KCNMB3: variants seen among roughly 807,000 people sequenced by gnomAD.
The protein encoded by KCNMB3 is potassium calcium-activated channel subfamily M regulatory beta subunit 3.
Under a neutral mutation model 11.9 loss-of-function variants are expected in KCNMB3, and 18 were observed. The ratio of observed to expected loss-of-function variants is 1.51; its 90% CI spans 1.04 to 2.23. The LOEUF is 2.23. Among genes scored for constraint, KCNMB3 ranks in the 30% most tolerant of loss-of-function variants. KCNMB3 has a pLI of 0.00. For synonymous variants in KCNMB3, 78 were observed against 119.2 expected (o/e 0.65, Z 2.25); for missense variants, 247 against 329.4 (o/e 0.75, Z 1.94).
At chr3:179,255,753 A>G (rs1725991846), upstream of KCNMB3, among the ~76,000 whole-genome samples, 1 of 152,240 alleles carries the variant, frequency 6.6e-6, no homozygotes. Context: ...CCCACACTTA[A>G]ACACATCACA....
At chr3:179,249,007 C>A (rs1329511746) in intron 1 of KCNMB3, among the ~76,000 whole-genome samples, 1 of 89,864 alleles carries the variant, frequency 1.1e-5, no homozygotes, top group Non-Finnish European at 2.1e-5. Flanking sequence ...GACCCCGTCT[C>A]TTTTTTTTTT....
At chr3:179,263,501 C>T (rs937268108) in intron 1 of KCNMB3, among the ~76,000 whole-genome samples, 16 of 151,316 alleles carry the variant, frequency 1.1e-4, no homozygotes, top group Non-Finnish European at 1.6e-4. Context: ...GCGCGGAGAG[C>T]GAGCGAGGGC....
chr3:179,262,479 C>T (rs554014506), intron 1 of KCNMB3, among the ~76,000 whole-genome samples: 50 of 152,288 alleles, frequency 3.3e-4, no homozygotes, highest in African/African-American at 1.2e-3. Flanking sequence ...ATAAAGGCAG[C>T]GTGGACCCAA....
At chr3:179,258,110 T>A (rs1304630553) in intron 1 of KCNMB3, among the ~76,000 whole-genome samples, 1 of 152,176 alleles carries the variant, frequency 6.6e-6, no homozygotes, top group Non-Finnish European at 1.5e-5. Flanking sequence ...GGCCTTGAAC[T>A]TCTGACCTCA....
intron 1 of KCNMB3, among the ~76,000 whole-genome samples, chr3:179,249,918 C>T (rs6798351): frequency 0.16 from 24,815 of 152,068 alleles, 2,238 homozygotes; most frequent in African/African-American, 0.24. Context: ...GGAAGAATAG[C>T]TAATGCATGC....
At chr3:179,253,957 A>C (rs1427004038), upstream of KCNMB3, among the ~76,000 whole-genome samples, 1 of 152,208 alleles carries the variant, frequency 6.6e-6, no homozygotes, top group African/African-American at 2.4e-5. Flanking sequence ...TTCTGGCCAA[A>C]GCTTAAAAAG....
chr3:179,246,167 T>C (rs951391070), intron 1 of KCNMB3, among the ~76,000 whole-genome samples: 2 of 152,192 alleles, frequency 1.3e-5, no homozygotes, highest in Admixed American at 1.3e-4. Context: ...ATCCCAGCAC[T>C]TTGGGAGGCC....
At chr3:179,259,448 T>A (rs1271230554) in intron 1 of KCNMB3, 1 of 1,612,696 alleles carries the variant, frequency 6.2e-7, no homozygotes, top group Non-Finnish European at 8.5e-7. Context: ...CCTCCTCAGC[T>A]GCTGTTTTTA....
chr3:179,244,863 C>G (rs1725584508), intron 1 of KCNMB3, among the ~76,000 whole-genome samples, 170 bp from the exon 2 acceptor site: 1 of 152,092 alleles, frequency 6.6e-6, no homozygotes, highest in South Asian at 2.1e-4. Context: ...AAACAGGGAG[C>G]ATGGAAGACA....
intron 1 of KCNMB3, among the ~76,000 whole-genome samples, chr3:179,264,111 T>G (rs1179026882): frequency 2.0e-5 from 3 of 152,180 alleles, no homozygotes. Flanking sequence ...TGGCCTATAT[T>G]GTTTTAAACA....
rs1725576062 is a variant in KCNMB3 at position 179,244,671 on chromosome 3, A to T, written c.271T>A (p.Cys91Ser). ...ATGATATCTGTGTGGATGGCAGTGCAGGTCGATTCTTCTCTCTGAATGCTT... is the reference window on the plus strand; with the variant it reads ...ATGATATCTGTGTGGATGGCAGTGCTGGTCGATTCTTCTCTCTGAATGCTT... ...MLSIQREEST[C>S]TAIHTDIMDD... is the part of the protein sequence containing the mutation. The change falls in exon 2 of 3, where the codon TGC becomes AGC. Residue 91 changes from cysteine to serine, a missense_variant. Physicochemically the swap from Cys to Ser is moderately radical, Grantham distance 112. Coordinates refer to ENST00000392685, the MANE Select transcript of KCNMB3 (RefSeq NM_171830.2). The T allele has an allele frequency of 1.2e-6, 2 of 1,613,612 alleles. No individual in the cohort carries two copies.
intron 1 of KCNMB3, among the ~76,000 whole-genome samples, chr3:179,263,137 G>C (rs1479048403): frequency 3.3e-5 from 5 of 152,244 alleles, no homozygotes; most frequent in Admixed American, 2.6e-4. Context: ...GGCGGCACAG[G>C]AGCCCACGGA....
chr3:179,247,179 A>T (rs1051038129), intron 1 of KCNMB3, among the ~76,000 whole-genome samples: 4 of 152,190 alleles, frequency 2.6e-5, no homozygotes, highest in African/African-American at 4.8e-5. Context: ...GTAAAACTTA[A>T]TTATGAGCAA....
At chr3:179,259,696 G>A (rs572750502) in intron 1 of KCNMB3, 2 of 1,595,674 alleles carry the variant, frequency 1.3e-6, no homozygotes, top group Admixed American at 1.8e-5. Flanking sequence ...GTTTCTATGG[G>A]TACTGGGGAT....
upstream of KCNMB3, among the ~76,000 whole-genome samples, chr3:179,254,264 G>A (rs1409051426): frequency 6.6e-6 from 1 of 152,152 alleles, no homozygotes; most frequent in African/African-American, 2.4e-5. Flanking sequence ...ATAGGAAATG[G>A]CAAGGAAAAT....
At chr3:179,242,593 A>G, downstream of KCNMB3, 1 of 219,520 alleles carries the variant, frequency 4.6e-6, no homozygotes, top group East Asian at 1.2e-4. Flanking sequence ...GTTTATTTCC[A>G]TATTGACTGG....
intron 2 of KCNMB3, among the ~76,000 whole-genome samples, chr3:179,243,572 A>C (rs1725535296): frequency 6.6e-6 from 1 of 152,242 alleles, no homozygotes; most frequent in Non-Finnish European, 1.5e-5. Context: ...CCCTACATGC[A>C]GGTTCTTGGA....
intron 1 of KCNMB3, among the ~76,000 whole-genome samples, chr3:179,261,479 G>GCGCC (rs1726210184): frequency 6.6e-6 from 1 of 151,728 alleles, no homozygotes; most frequent in African/African-American, 2.4e-5. Flanking sequence ...GCCGGCAGGG[G>GCGCC]CGGGGCGTAG....
intron 1 of KCNMB3, among the ~76,000 whole-genome samples, chr3:179,264,298 A>G (rs376228028): frequency 4.6e-5 from 7 of 152,276 alleles, no homozygotes; most frequent in African/African-American, 1.4e-4. Context: ...ATTGAATATT[A>G]TTAGGTTGTT....
Sources: gnomAD v4.1 joint callset for allele counts (sites outside exome capture counted in the v4.1 genomes callset) on GRCh38, gnomAD v4.1.1 for gene constraint, MANE v1.5 for transcripts, NCBI Gene and HGNC (gene_info 2026-07-23, HGNC 2026-07-21) for gene names.